Variants in SLC20A2 observed in about 807,000 individuals in gnomAD.
SLC20A2 encodes the protein sodium-dependent phosphate transporter 2.
A neutral mutation model predicts 61.0 loss-of-function variants in SLC20A2; 30 were observed. That is an observed-to-expected ratio of 0.49 (90% CI 0.37 to 0.67). SLC20A2 has a LOEUF of 0.67. Ranked by LOEUF, SLC20A2 falls within the 30% of genes least tolerant of loss-of-function variation. The pLI is 0.00. For missense variants in SLC20A2, 626 were observed against 866.4 expected, an observed-to-expected ratio of 0.72 and a Z score of 3.48; for synonymous variants, 351 against 353.3, an observed-to-expected ratio of 0.99 and a Z score of 0.07.
chr8:42,491,234 G>GC (rs1563519105), intron 1 of SLC20A2, among the ~76,000 whole-genome samples: 1 of 152,028 alleles, frequency 6.6e-6, no homozygotes, highest in Non-Finnish European at 1.5e-5. Flanking sequence ...ACAAAAATTG[G>GC]CCGGGTATGG....
At chr8:42,464,800 CT>C (rs1183654357) in intron 3 of SLC20A2, among the ~76,000 whole-genome samples, 1 of 152,070 alleles carries the variant, frequency 6.6e-6, no homozygotes, top group Non-Finnish European at 1.5e-5. Flanking sequence ...TGGTGAAACC[CT>C]GTCTGTACTA....
chr8:42,512,129 T>A (rs923146571), intron 1 of SLC20A2, among the ~76,000 whole-genome samples: 1 of 152,090 alleles, frequency 6.6e-6, no homozygotes, highest in Non-Finnish European at 1.5e-5. Context: ...ATTTTAAGAG[T>A]TGGTTTCTTC....
intron 5 of SLC20A2, among the ~76,000 whole-genome samples, chr8:42,449,950 T>G (rs1805512310): frequency 6.6e-6 from 1 of 152,228 alleles, no homozygotes; most frequent in Admixed American, 6.5e-5. Context: ...GGATATCTTC[T>G]CATAGTAAAC....
chr8:42,514,239 C>T (rs1458424793), intron 1 of SLC20A2, among the ~76,000 whole-genome samples: 1 of 152,202 alleles, frequency 6.6e-6, no homozygotes, highest in Non-Finnish European at 1.5e-5. Flanking sequence ...GCAAGAACCA[C>T]TCCTGTGGGC....
chr8:42,472,005 C>CCAAAG lies in SLC20A2; in HGVS notation c.289+92_289+96dup, dbSNP rs1304100301. 66 of 1,147,554 alleles carry CCAAAG rather than the reference C, an allele frequency of 5.8e-5. 1 individual carries two copies. The South Asian group carries it at 9.9e-4, about 17-fold the overall frequency. The allele number at this position is 1,147,554 out of a possible 1,614,324, so 71.1% of individuals were successfully genotyped here. On this transcript the variant is annotated intron_variant, in intron 2 of 10. Coordinates refer to ENST00000520262, the MANE Select transcript of SLC20A2 (RefSeq NM_001257180.2). The surrounding 1 kb of genome is among the most constrained non-coding windows in gnomAD (Gnocchi z 4.1). ...AAACATCCAACCAGTTTTTGAAAAG[C>CCAAAG]CAAAGCAAAAATCACATTTATGGAT...
At chr8:42,539,404 A>C (rs930192558) in intron 1 of SLC20A2, among the ~76,000 whole-genome samples, 4 of 152,228 alleles carry the variant, frequency 2.6e-5, no homozygotes, top group African/African-American at 9.6e-5. Context: ...GGAAGCCAAA[A>C]CTGTTCAATT....
chr8:42,455,408 C>T (rs576477104), intron 5 of SLC20A2, among the ~76,000 whole-genome samples: 1 of 151,760 alleles, frequency 6.6e-6, no homozygotes, highest in Non-Finnish European at 1.5e-5. Context: ...CGCCTGTAAT[C>T]CCAGCACTTT....
chr8:42,437,195 C>T lies in SLC20A2; in HGVS notation c.1317G>A (p.Ala439=), dbSNP rs769561404. ...CCGCCTCGATCTCCGCCTCTGCCAC[C>T]GCGTTACAGTAGCTCGAGTAGCTGT... The part of the protein sequence containing the change: ...RYDSYSSYCN[A]VAEAEIEAEE... The change falls in exon 8 of 11, where the codon GCG becomes GCA. Residue 439 remains alanine (A), a synonymous_variant. Transcript: ENST00000520262. This position sits in a 1 kb window ranked among gnomAD's most constrained non-coding sequence, Gnocchi z 6.4. 1 of 1,613,648 alleles carries T rather than the reference C, an allele frequency of 6.2e-7. No homozygotes were observed. Among genetic ancestry groups the T allele is most frequent in the Non-Finnish European group, 8.5e-7 (1 of 1,180,022 alleles).
intron 1 of SLC20A2, among the ~76,000 whole-genome samples, chr8:42,520,008 C>CTTTTTT (rs557576151): frequency 9.7e-6 from 1 of 102,682 alleles, no homozygotes; most frequent in Non-Finnish European, 1.8e-5. Flanking sequence ...TTATGCTAAT[C>CTTTTTT]TTTTTTTTTT....
intron 3 of SLC20A2, among the ~76,000 whole-genome samples, chr8:42,464,297 T>TTG (rs1554558106): frequency 2.0e-5 from 3 of 149,564 alleles, no homozygotes; most frequent in African/African-American, 7.4e-5. Context: ...TTTTTTTTTT[T>TTG]TTGTTGTAAA....
chr8:42,478,212 CTTTTTTTTTTT>C (rs35343530), intron 1 of SLC20A2, among the ~76,000 whole-genome samples: 2 of 127,538 alleles, frequency 1.6e-5, no homozygotes, highest in Non-Finnish European at 3.2e-5. Flanking sequence ...TTTTCCTTTT[CTTTTTTTTTTT>C]TTTTTTGAGA....
chr8:42,466,534 A>C (rs2131196071), intron 2 of SLC20A2, among the ~76,000 whole-genome samples: 1 of 152,352 alleles, frequency 6.6e-6, no homozygotes, highest in East Asian at 1.9e-4. Flanking sequence ...ACACAGAAAG[A>C]CTAGAAAGGC....
At chr8:42,493,917 G>A (rs1471914386) in intron 1 of SLC20A2, among the ~76,000 whole-genome samples, 3 of 152,164 alleles carry the variant, frequency 2.0e-5, no homozygotes, top group Non-Finnish European at 4.4e-5. Flanking sequence ...GAGCAAGGCA[G>A]GACTGCTTTA....
At position 42,472,149 on chromosome 8, in the gene SLC20A2, T is replaced by C. The variant is rs1170797362; in HGVS notation, c.242A>G (p.Asn81Ser). 1 of 1,613,932 alleles carries C rather than the reference T, an allele frequency of 6.2e-7. No homozygotes were observed. The highest frequency in any genetic ancestry group is 1.7e-5 in the Admixed American group (1 of 60,014). Residue 81 changes from asparagine (N) to serine (S), a missense_variant, in exon 2 of 11, where the codon AAC becomes AGC. This residue lies in a region of SLC20A2 where 127 missense variants were observed against 215.4 expected (regional missense o/e 0.59). Coordinates refer to ENST00000520262, the MANE Select transcript of SLC20A2 (RefSeq NM_001257180.2). This position sits in a 1 kb window ranked among gnomAD's most constrained non-coding sequence, Gnocchi z 4.1. ...RKGIIDVNLYNETVETLMAGE... is the reference protein window; with the variant it reads ...RKGIIDVNLYSETVETLMAGE... ...AGCCATGAGAGTCTCCACCGTCTCG[T>C]TGTACAGGTTCACGTCAATGATACC...
In SLC20A2 at chr8:42,439,562, T is replaced by C; in HGVS notation, c.822A>G (p.Leu274=). 4 of 1,614,196 alleles carry C rather than the reference T, an allele frequency of 2.5e-6. No individual in the cohort carries two copies. Among genetic ancestry groups the C allele is most frequent in the Non-Finnish European group, 3.4e-6 (4 of 1,180,026 alleles). ...TGTCATCATTAGCCTTGGCACCTGGTAGCTCTTTAAATACTGGGGACTCTG... is the reference window on the plus strand; with the variant it reads ...TGTCATCATTAGCCTTGGCACCTGGCAGCTCTTTAAATACTGGGGACTCTG... ...QEAESPVFKE[L]PGAKANDDST... is the part of the protein sequence containing the mutation. Residue 274 remains leucine, a synonymous_variant, in exon 7 of 11, where the codon CTA becomes CTG. Transcript: ENST00000520262.
At chr8:42,487,256 C>A (rs1264197052) in intron 1 of SLC20A2, among the ~76,000 whole-genome samples, 2 of 148,814 alleles carry the variant, frequency 1.3e-5, no homozygotes, top group Non-Finnish European at 3.0e-5. Flanking sequence ...TGGCTCACTG[C>A]AAGCTCTGCC....
At chr8:42,485,940 G>C (rs1340693893) in intron 1 of SLC20A2, among the ~76,000 whole-genome samples, 1 of 127,284 alleles carries the variant, frequency 7.9e-6, no homozygotes, top group Non-Finnish European at 1.6e-5. Flanking sequence ...GCGAGACTCC[G>C]TCTCAAAAAA....
intron 6 of SLC20A2, among the ~76,000 whole-genome samples, chr8:42,440,687 A>G (rs907240797): frequency 9.2e-5 from 14 of 152,240 alleles, no homozygotes; most frequent in Non-Finnish European, 1.6e-4. Context: ...AGAAGCTGCC[A>G]AACAGTTTCC....
intron 1 of SLC20A2, among the ~76,000 whole-genome samples, chr8:42,515,141 C>T (rs1811253733): frequency 6.6e-6 from 1 of 152,160 alleles, no homozygotes. Context: ...CTGAGATTTA[C>T]AGACGTTAAA....
Sources: allele counts gnomAD v4.1 joint callset (sites outside exome capture counted in the v4.1 genomes callset), GRCh38; gene constraint gnomAD v4.1.1; regional missense constraint gnomAD v4.1.1; non-coding constraint Gnocchi (gnomAD v3.1); transcripts MANE v1.5; gene names NCBI Gene and HGNC (gene_info 2026-07-23, HGNC 2026-07-21).